Variants in TRIO observed in about 807,000 individuals in gnomAD.
TRIO encodes trio Rho guanine nucleotide exchange factor, also known as triple functional domain protein.
Under a neutral mutation model 351.9 loss-of-function variants are expected in TRIO, and 58 were observed. The observed-to-expected ratio is 0.16, with a 90% CI of 0.13 to 0.21. The LOEUF (loss-of-function observed/expected upper bound fraction) is 0.21. Among genes scored for constraint, TRIO ranks in the 10% least tolerant of loss-of-function variants. The pLI is 1.00. For missense variants in TRIO, 3,201 were observed against 4,027.8 expected (o/e 0.79, Z 5.56); for synonymous variants, 1,758 against 1,595.7 (o/e 1.10, Z -2.42).
chr5:14,271,362 G>A (rs1581495317), intron 2 of TRIO, among the ~76,000 whole-genome samples: 1 of 152,054 alleles, frequency 6.6e-6, no homozygotes, highest in South Asian at 2.1e-4. Flanking sequence ...TGGCTCTCTG[G>A]TCATGGAGTA....
intron 47 of TRIO, among the ~76,000 whole-genome samples, chr5:14,486,844 C>A (rs1755951301): frequency 6.6e-6 from 1 of 152,092 alleles, no homozygotes; most frequent in Non-Finnish European, 1.5e-5. Context: ...TCACACATGC[C>A]TGGGGCTGGG....
At chr5:14,455,134 T>G (rs1753176051) in intron 34 of TRIO, among the ~76,000 whole-genome samples, 1 of 152,160 alleles carries the variant, frequency 6.6e-6, no homozygotes, top group Non-Finnish European at 1.5e-5. Flanking sequence ...CAAGATTTAT[T>G]GCAAAGATAA....
intron 1 of TRIO, among the ~76,000 whole-genome samples, chr5:14,259,763 A>G (rs983652417): frequency 1.3e-5 from 2 of 151,174 alleles, no homozygotes; most frequent in Non-Finnish European, 2.9e-5. Flanking sequence ...CAGCCTAAAA[A>G]CAAGTTACAA....
chr5:14,378,854 C>G (rs7724084), intron 20 of TRIO, among the ~76,000 whole-genome samples: 5,686 of 152,266 alleles, frequency 0.037, 378 homozygotes, highest in African/African-American at 0.13. Context: ...GCCACCGCAC[C>G]TGGCCCAGAA....
intron 1 of TRIO, among the ~76,000 whole-genome samples, chr5:14,198,965 C>T (rs1013223254): frequency 1.3e-5 from 2 of 151,920 alleles, no homozygotes; most frequent in South Asian, 2.1e-4. Flanking sequence ...GGGCCGGGTG[C>T]GGTGGCTCAC....
chr5:14,210,375 G>A (rs777408555), intron 1 of TRIO, among the ~76,000 whole-genome samples: 3 of 152,160 alleles, frequency 2.0e-5, no homozygotes, highest in Non-Finnish European at 2.9e-5. Context: ...CTTTCCCCAG[G>A]CTCCGCACCC....
intron 1 of TRIO, among the ~76,000 whole-genome samples, chr5:14,217,566 C>T (rs561252693): frequency 6.6e-6 from 1 of 152,304 alleles, no homozygotes; most frequent in Admixed American, 6.5e-5. Context: ...CAGGCACACT[C>T]AGTTATTAAA....
At chr5:14,483,143 C>T (rs1755658806) in intron 46 of TRIO, among the ~76,000 whole-genome samples, 1 of 152,196 alleles carries the variant, frequency 6.6e-6, no homozygotes. Context: ...TCTTCTCTTC[C>T]TCCACTCACC....
intron 34 of TRIO, chr5:14,420,506 C>CA (rs1750030571): frequency 6.5e-6 from 1 of 153,498 alleles, no homozygotes; most frequent in African/African-American, 2.4e-5. Context: ...AGTTTACTGT[C>CA]ACTTCGGTAA....
intron 24 of TRIO, among the ~76,000 whole-genome samples, chr5:14,389,035 T>G (rs1746815501): frequency 6.6e-6 from 1 of 152,230 alleles, no homozygotes; most frequent in African/African-American, 2.4e-5. Context: ...TTGGTTATAC[T>G]TGTGGAGTAG....
chr5:14,340,403 A>C (rs1741838591), intron 11 of TRIO, among the ~76,000 whole-genome samples: 1 of 151,570 alleles, frequency 6.6e-6, no homozygotes, highest in Non-Finnish European at 1.5e-5. Flanking sequence ...TCTGGAAAAA[A>C]AAAAAAAAAA....
intron 1 of TRIO, among the ~76,000 whole-genome samples, chr5:14,233,057 A>C (rs1464143272): frequency 1.3e-5 from 2 of 152,136 alleles, no homozygotes; most frequent in African/African-American, 4.8e-5. Flanking sequence ...TTGTGCATCA[A>C]CATGAAGGAT....
intron 13 of TRIO, among the ~76,000 whole-genome samples, chr5:14,362,642 A>ATGC (rs1035462237): frequency 6.6e-6 from 1 of 152,220 alleles, no homozygotes; most frequent in African/African-American, 2.4e-5. Context: ...TAGAAGTTAG[A>ATGC]TGCAAAGACC....
chr5:14,355,734 C>T (rs1743560638), intron 11 of TRIO, among the ~76,000 whole-genome samples: 1 of 152,144 alleles, frequency 6.6e-6, no homozygotes, highest in African/African-American at 2.4e-5. Flanking sequence ...AACAAAAGAA[C>T]AAGAAAGCAT....
intron 48 of TRIO, among the ~76,000 whole-genome samples, chr5:14,491,177 G>T (rs950179337): frequency 6.6e-6 from 1 of 152,198 alleles, no homozygotes; most frequent in African/African-American, 2.4e-5. Flanking sequence ...ACCTCATGGA[G>T]GAGGGCCAGA....
chr5:14,498,208 C>T lies in TRIO; in HGVS notation c.8167C>T (p.His2723Tyr), dbSNP rs760190115. 3 of 1,614,222 alleles carry T rather than the reference C, an allele frequency of 1.9e-6. No individual in the cohort carries two copies. In the South Asian group the frequency reaches 3.3e-5, roughly 18 times the overall value. ...CTCAATTACCTGGAAGGGCCCTGAA[C>T]ACAACACCTTGAACAACGATGGTCA... ...KASITWKGPE[H>Y]NTLNNDGHYS... Residue 2723 changes from histidine (H) to tyrosine (Y), a missense_variant, in exon 52 of 57, where the codon CAC (histidine) becomes TAC (tyrosine). Physicochemically the swap from His to Tyr is moderately conservative, Grantham distance 83 (BLOSUM62 2). This residue lies in a region of TRIO where 1,089 missense variants were observed against 954.9 expected (regional missense o/e 1.14). Transcript: ENST00000344204.
chr5:14,233,529 T>A (rs895863925), intron 1 of TRIO, among the ~76,000 whole-genome samples: 3 of 151,874 alleles, frequency 2.0e-5, no homozygotes, highest in South Asian at 4.2e-4. Context: ...TCCTCCCTTC[T>A]CCTTTAGTAA....
chr5:14,480,292 AT>A (rs1305634421), intron 43 of TRIO, among the ~76,000 whole-genome samples: 2 of 152,240 alleles, frequency 1.3e-5, no homozygotes, highest in African/African-American at 4.8e-5. Flanking sequence ...CAAGTATATT[AT>A]TTCTGATAAG....
intron 1 of TRIO, among the ~76,000 whole-genome samples, chr5:14,239,082 A>G (rs889161432): frequency 3.9e-5 from 6 of 152,166 alleles, no homozygotes; most frequent in African/African-American, 1.4e-4. Flanking sequence ...TAGGCTTGAG[A>G]TGTGCCCAGG....
Sources: allele counts gnomAD v4.1 joint callset (sites outside exome capture counted in the v4.1 genomes callset), GRCh38; gene constraint gnomAD v4.1.1; regional missense constraint gnomAD v4.1.1; transcripts MANE v1.5; gene names NCBI Gene and HGNC (gene_info 2026-07-23, HGNC 2026-07-21).